USH2A: variants seen among roughly 807,000 people sequenced by gnomAD.
USH2A encodes Usher syndrome 2A (autosomal recessive, mild).
In USH2A, 443 loss-of-function variants were observed where a neutral mutation model predicts 538.9. That is an observed-to-expected ratio of 0.82 (90% CI 0.76 to 0.89). USH2A has a LOEUF of 0.89. USH2A is among the 40% of genes least tolerant of loss of function. The pLI is 0.00. For synonymous variants in USH2A, 2,413 were observed against 2,273.5 expected, an observed-to-expected ratio of 1.06 and a Z score of -1.75; for missense variants, 6,633 against 6,324.8, an observed-to-expected ratio of 1.05 and a Z score of -1.65.
rs541478177 is a variant in USH2A at position 216,221,649 on chromosome 1, A to G, written c.2994-4099T>C. The stretch of plus-strand genomic sequence containing the variant: ...TAGAGAAACTCATAAAAGCTGGACC[A>G]GGGGCAGTGACTCCCTTGCATCCAT... On this transcript the variant is annotated intron_variant, in intron 14 of 71. Transcript: ENST00000307340. Among the ~76,000 whole-genome samples the G allele has an allele frequency of 1.8e-3, 272 of 152,304 alleles. 2 individuals carry two copies. Among genetic ancestry groups the G allele is most frequent in the African/African-American group, 6.4e-3 (266 of 41,570 alleles).
chr1:216,364,035 G>T (rs2038546731), intron 4 of USH2A, among the ~76,000 whole-genome samples: 1 of 150,272 alleles, frequency 6.7e-6, no homozygotes. Context: ...TTTATAATGA[G>T]CATATATTAT....
rs528858197 is a variant in USH2A at position 216,011,673 on chromosome 1, G to A, written c.6326-11111C>T. On this transcript the variant is annotated intron_variant, in intron 32 of 71. Transcript: ENST00000307340. Reference sequence around the variant, plus strand: ...GCTGCTGCAGCCCTAATACTTTAGAGGCCCTCAAAATCACAAACTATGCTC... The same window carrying A: ...GCTGCTGCAGCCCTAATACTTTAGAAGCCCTCAAAATCACAAACTATGCTC... Among the ~76,000 whole-genome samples, 327 of 152,094 alleles carry A rather than the reference G, an allele frequency of 2.1e-3. 1 individual carries two copies. Among genetic ancestry groups the A allele is most frequent in the Non-Finnish European group, 3.8e-3 (259 of 68,002 alleles).
chr1:215,951,139 T>C (rs1005920315), intron 37 of USH2A, among the ~76,000 whole-genome samples: 2 of 152,138 alleles, frequency 1.3e-5, no homozygotes, highest in African/African-American at 4.8e-5. Flanking sequence ...CTTTTAATTG[T>C]GATGTTAGGG....
chr1:216,083,480 G>A lies in USH2A; in HGVS notation c.5274C>T (p.Asn1758=), dbSNP rs933035458. ...QLNGLLLFVY[N]KDGPDFLAME... is the part of the protein sequence containing the mutation. Reference sequence around the variant, plus strand: ...CAGCAAGAAAATCAGGTCCATCTTTGTTATAAACGAAAAGAAGCAATCCAT... The same window carrying A: ...CAGCAAGAAAATCAGGTCCATCTTTATTATAAACGAAAAGAAGCAATCCAT... The change falls in exon 26 of 72, where the codon AAC becomes AAT. Residue 1758 remains asparagine, a synonymous_variant. Transcript: ENST00000307340. 3.1e-6 allele frequency: 5 copies of A among 1,612,026 alleles called. No homozygotes were observed. Among genetic ancestry groups the A allele is most frequent in the Non-Finnish European group, 4.2e-6 (5 of 1,179,080 alleles).
chr1:215,917,671 C>T (rs2102485446), intron 38 of USH2A, among the ~76,000 whole-genome samples: 1 of 146,388 alleles, frequency 6.8e-6, no homozygotes, highest in East Asian at 2.1e-4. Context: ...GGGCTGGGTA[C>T]AGTGGCTCAC....
At chr1:216,132,074 C>T (rs2033388437) in intron 21 of USH2A, among the ~76,000 whole-genome samples, 1 of 152,002 alleles carries the variant, frequency 6.6e-6, no homozygotes, top group Admixed American at 6.6e-5. Flanking sequence ...CACAACCACT[C>T]TACATACAAC....
rs1253788950 is a variant in USH2A, at chr1:215,790,177, G to A, written c.10064C>T (p.Pro3355Leu). The A allele has an allele frequency of 9.9e-6, 16 of 1,613,972 alleles. No homozygotes were observed. The highest frequency in any genetic ancestry group is 3.3e-5 in the Admixed American group (2 of 59,996). ...KAHIKKNDPV[P>L]VKCCETELIP... is the part of the protein sequence containing the mutation. ...AAGTTCAGTCTCACAGCATTTTACT[G>A]GCACCGGGTCATTCTTTTTAATATG... The change falls in exon 51 of 72, where the codon CCA (proline) becomes CTA (leucine). Residue 3355 changes from proline to leucine, a missense_variant. Pro to Leu is a moderately conservative substitution (Grantham distance 98). Coordinates refer to ENST00000307340, the MANE Select transcript of USH2A (RefSeq NM_206933.4).
At chr1:216,222,110 T>C (rs1443246392) in intron 14 of USH2A, among the ~76,000 whole-genome samples, 1 of 152,150 alleles carries the variant, frequency 6.6e-6, no homozygotes, top group African/African-American at 2.4e-5. Context: ...AAAATTACTT[T>C]TAAGGTTCTT....
intron 9 of USH2A, among the ~76,000 whole-genome samples, chr1:216,309,746 G>A (rs1437714539): frequency 1.3e-5 from 2 of 151,990 alleles, no homozygotes; most frequent in African/African-American, 2.4e-5. Flanking sequence ...GGAGAGTTTT[G>A]ATCATGAATG....
chr1:215,978,447 C>A (rs634691), intron 35 of USH2A, among the ~76,000 whole-genome samples: 137,428 of 152,190 alleles, frequency 0.9, 62,168 homozygotes, highest in East Asian at 1. Context: ...CTCTGGTTCT[C>A]AAAGCAATCA....
intron 4 of USH2A, among the ~76,000 whole-genome samples, chr1:216,343,077 G>A (rs938520807): frequency 1.3e-5 from 2 of 151,996 alleles, no homozygotes; most frequent in African/African-American, 4.8e-5. Context: ...AAGACTAGCT[G>A]TGTCCTTGAA....
intron 19 of USH2A, among the ~76,000 whole-genome samples, chr1:216,192,551 A>G (rs980844995): frequency 2.6e-5 from 4 of 151,806 alleles, no homozygotes; most frequent in Admixed American, 2.6e-4. Flanking sequence ...TTAAAAAAAA[A>G]ATTAGTCAGG....
intron 38 of USH2A, among the ~76,000 whole-genome samples, chr1:215,913,112 G>A (rs1665856662): frequency 6.6e-6 from 1 of 152,102 alleles, no homozygotes; most frequent in African/African-American, 2.4e-5. Context: ...ATAAAACTGT[G>A]CTGTCATTTT....
chr1:215,824,182 T>C (rs962953683), intron 47 of USH2A, among the ~76,000 whole-genome samples: 1 of 152,154 alleles, frequency 6.6e-6, no homozygotes, highest in Admixed American at 6.6e-5. Flanking sequence ...GCAACTTTAG[T>C]ATATTTTCTT....
intron 47 of USH2A, among the ~76,000 whole-genome samples, chr1:215,829,477 A>G (rs1663251338): frequency 6.6e-6 from 1 of 152,206 alleles, no homozygotes; most frequent in African/African-American, 2.4e-5. Context: ...AATCTAAGAA[A>G]TGTATGGCTT....
chr1:216,167,637 G>A (rs2034197604), intron 21 of USH2A, among the ~76,000 whole-genome samples: 1 of 152,098 alleles, frequency 6.6e-6, no homozygotes, highest in African/African-American at 2.4e-5. Context: ...GACCTCGGAA[G>A]CATGCCATTA....
chr1:216,252,713 G>A (rs753785857), intron 11 of USH2A, among the ~76,000 whole-genome samples: 1 of 152,216 alleles, frequency 6.6e-6, no homozygotes, highest in Admixed American at 6.5e-5. Flanking sequence ...AGAAAGATGA[G>A]TGAGAACAAT....
chr1:216,225,230 A>T (rs887158183), intron 14 of USH2A, among the ~76,000 whole-genome samples: 1 of 152,204 alleles, frequency 6.6e-6, no homozygotes, highest in South Asian at 2.1e-4. Flanking sequence ...CAGAAGTCAA[A>T]AAAAGATTCA....
At chr1:215,989,944 G>T (rs1220834021) in intron 35 of USH2A, among the ~76,000 whole-genome samples, 12 of 152,210 alleles carry the variant, frequency 7.9e-5, no homozygotes, top group African/African-American at 2.9e-4. Context: ...TAGGAGGTCT[G>T]TGGTGGAGCC....
Sources: gnomAD v4.1 joint callset for allele counts (sites outside exome capture counted in the v4.1 genomes callset) on GRCh38, gnomAD v4.1.1 for gene constraint, MANE v1.5 for transcripts, NCBI Gene and HGNC (gene_info 2026-07-23, HGNC 2026-07-21) for gene names.